THADA: variants seen among roughly 807,000 people sequenced by gnomAD.
The protein encoded by THADA is tRNA (32-2'-O)-methyltransferase regulator THADA.
A neutral mutation model predicts 219.8 loss-of-function variants in THADA; 213 were observed. That is an observed-to-expected ratio of 0.97 (90% CI 0.87 to 1.09). The LOEUF (loss-of-function observed/expected upper bound fraction) is 1.09. Among genes scored for constraint, THADA ranks in the 50% least tolerant of loss-of-function variants. The pLI is 0.00. For missense variants in THADA, 2,956 were observed against 2,311.3 expected, an observed-to-expected ratio of 1.28 and a Z score of -5.72; for synonymous variants, 1,018 against 828.9, an observed-to-expected ratio of 1.23 and a Z score of -3.92.
Position 43,586,879 on chromosome 2 carries a change from A to G in THADA, c.426T>C (p.Ser142=), listed in dbSNP as rs1266845074. ...CCAAGTTAAAGTTCTCCATACAGGA[A>G]GAAATATTGTCAGTAACTTTCCTGT... ...YSYRKVTDNI[S]SCMENFNLGR... Residue 142 remains serine (S), a synonymous_variant, in exon 5 of 38, where the codon TCT becomes TCC. Transcript: ENST00000405975. 6.2e-7 allele frequency: 1 copy of G among 1,613,924 alleles called. No homozygotes were observed. Among genetic ancestry groups the G allele is most frequent in the Middle Eastern group, 1.6e-4 (1 of 6,062 alleles).
At chr2:43,303,901 C>T (rs1676547091) in intron 31 of THADA, among the ~76,000 whole-genome samples, 1 of 152,210 alleles carries the variant, frequency 6.6e-6, no homozygotes. Context: ...GCAGGGCTCC[C>T]CAAAAGTTAC....
At chr2:43,246,024 T>A (rs1669104747) in intron 36 of THADA, among the ~76,000 whole-genome samples, 1 of 151,562 alleles carries the variant, frequency 6.6e-6, no homozygotes, top group African/African-American at 2.4e-5. Context: ...ATCCAGAAAG[T>A]CTCCTTACTA....
At chr2:43,243,267 C>A (rs1226665859) in intron 36 of THADA, among the ~76,000 whole-genome samples, 1 of 152,162 alleles carries the variant, frequency 6.6e-6, no homozygotes, top group Non-Finnish European at 1.5e-5. Flanking sequence ...CCAGAGGGCA[C>A]ACTGCTCCTA....
intron 37 of THADA, among the ~76,000 whole-genome samples, chr2:43,231,763 C>T (rs1207503909): frequency 6.6e-6 from 1 of 152,176 alleles, no homozygotes; most frequent in Non-Finnish European, 1.5e-5. Context: ...AAACACAGGA[C>T]ACTAGGCTGT....
chr2:43,397,071 G>A (rs1674149269), intron 29 of THADA, among the ~76,000 whole-genome samples: 1 of 152,148 alleles, frequency 6.6e-6, no homozygotes, highest in African/African-American at 2.4e-5. Flanking sequence ...CAAAAATGAA[G>A]ACATGGATGT....
chr2:43,373,635 C>A (rs1671050967), intron 29 of THADA, among the ~76,000 whole-genome samples: 1 of 152,068 alleles, frequency 6.6e-6, no homozygotes, highest in African/African-American at 2.4e-5. Context: ...CACCATCAGG[C>A]CTGGCTAATT....
At chr2:43,492,370 TTC>T (rs929900999) in intron 25 of THADA, 2 of 152,134 alleles carry the variant, frequency 1.3e-5, no homozygotes, top group African/African-American at 4.8e-5. Context: ...ACACAAAGCC[TTC>T]TGTGTGTGTG....
intron 36 of THADA, among the ~76,000 whole-genome samples, chr2:43,256,830 C>G (rs1408437746): frequency 2.6e-5 from 4 of 152,166 alleles, no homozygotes; most frequent in Non-Finnish European, 4.4e-5. Context: ...CCTTCTACCT[C>G]AGCCTCCCAA....
intron 29 of THADA, among the ~76,000 whole-genome samples, chr2:43,366,131 T>C (rs1489688405): frequency 6.6e-6 from 1 of 152,234 alleles, no homozygotes; most frequent in Non-Finnish European, 1.5e-5. Context: ...CAGGTGCTTA[T>C]TGAGAAAAAG....
chr2:43,402,505 G>C (rs1228631155), intron 28 of THADA, among the ~76,000 whole-genome samples: 2 of 152,136 alleles, frequency 1.3e-5, no homozygotes, highest in South Asian at 2.1e-4. Context: ...TGGGGGCTAA[G>C]CTTTTTCTAA....
At chr2:43,413,197 C>T (rs1676508981) in intron 28 of THADA, among the ~76,000 whole-genome samples, 1 of 152,116 alleles carries the variant, frequency 6.6e-6, no homozygotes, top group Non-Finnish European at 1.5e-5. Context: ...TCCCTTTCCT[C>T]CCTCCCTTCC....
chr2:43,392,078 A>AACAAACAAC (rs1673450984), intron 29 of THADA, among the ~76,000 whole-genome samples: 2 of 152,362 alleles, frequency 1.3e-5, no homozygotes, highest in East Asian at 3.9e-4. Flanking sequence ...CGAGGCATAA[A>AACAAACAAC]ACAAACAACA....
In THADA at chr2:43,480,324, C is replaced by T. The variant is rs577244915; in HGVS notation, c.3836+4910G>A. The stretch of plus-strand genomic sequence containing the variant: ...AATGTTACCTTCCTTCACAACTTCT[C>T]CTGTCCTTCTACACAACTGAACAGA... On this transcript the variant is annotated intron_variant, in intron 26 of 37. Transcript: ENST00000405975. Among the ~76,000 whole-genome samples the T allele has an allele frequency of 2.0e-5, 3 of 152,302 alleles. No homozygotes were observed. The South Asian group carries it at 6.2e-4, about 32-fold the overall frequency.
At chr2:43,498,711 T>A in intron 25 of THADA, 122 bp downstream of exon 25, 1 of 1,129,128 alleles carries the variant, frequency 8.9e-7, no homozygotes, top group South Asian at 2.0e-5. Flanking sequence ...ATCCAAAGAT[T>A]TCTAAGAAAA....
At chr2:43,368,109 A>G (rs192726623) in intron 29 of THADA, among the ~76,000 whole-genome samples, 1 of 152,202 alleles carries the variant, frequency 6.6e-6, no homozygotes, top group East Asian at 1.9e-4. Context: ...AAAGAGCAAA[A>G]CTCTATCTCA....
At chr2:43,531,197 C>T (rs1041393695) in intron 21 of THADA, among the ~76,000 whole-genome samples, 3 of 152,110 alleles carry the variant, frequency 2.0e-5, no homozygotes, top group Non-Finnish European at 2.9e-5. Context: ...AATGAAAGAT[C>T]CTTTTGCACT....
intron 29 of THADA, among the ~76,000 whole-genome samples, chr2:43,391,064 T>C (rs1335914934): frequency 6.6e-6 from 1 of 152,174 alleles, no homozygotes; most frequent in Non-Finnish European, 1.5e-5. Context: ...CAACCCCTCT[T>C]GTTTTCAGTT....
At chr2:43,242,533 C>G (rs1668730811) in intron 36 of THADA, among the ~76,000 whole-genome samples, 1 of 152,044 alleles carries the variant, frequency 6.6e-6, no homozygotes, top group Non-Finnish European at 1.5e-5. Flanking sequence ...GCTCTGCCAC[C>G]CAGGCTGGAG....
In THADA at chr2:43,561,100, T is replaced by C. The variant is rs181908331; in HGVS notation, c.2312-715A>G. Among the ~76,000 whole-genome samples, 156 of 151,502 alleles carry C rather than the reference T, an allele frequency of 1.0e-3. 1 individual carries two copies. Among genetic ancestry groups the C allele is most frequent in the Non-Finnish European group, 1.8e-3 (125 of 67,934 alleles). The stretch of plus-strand genomic sequence containing the variant: ...GAATGATCAGTATGATGACATATCC[T>C]GATAGACTTACTGGGAGTCAAAGAT... On this transcript the variant is annotated intron_variant, in intron 15 of 37. Coordinates refer to ENST00000405975, the MANE Select transcript of THADA (RefSeq NM_022065.5).
Sources: gnomAD v4.1 joint callset for allele counts (sites outside exome capture counted in the v4.1 genomes callset) on GRCh38, gnomAD v4.1.1 for gene constraint, MANE v1.5 for transcripts, NCBI Gene and HGNC (gene_info 2026-07-23, HGNC 2026-07-21) for gene names.